The following CADPS variants were observed in gnomAD, a reference collection of about 807,000 sequenced individuals.
CADPS encodes calcium dependent secretion activator.
A neutral mutation model predicts 167.3 loss-of-function variants in CADPS; 57 were observed. The observed-to-expected ratio is 0.34, with a 90% CI of 0.28 to 0.42. The LOEUF is 0.42. Ranked by LOEUF, CADPS falls within the 20% of genes least tolerant of loss-of-function variation. CADPS has a pLI of 1.00. For missense variants in CADPS, 1,414 were observed against 1,738.1 expected (o/e 0.81, Z 3.32); for synonymous variants, 676 against 635.3 (o/e 1.06, Z -0.96).
chr3:62,563,669 T>C (rs1017240420), intron 9 of CADPS, among the ~76,000 whole-genome samples: 3 of 152,190 alleles, frequency 2.0e-5, no homozygotes, highest in African/African-American at 7.2e-5. Flanking sequence ...ACCCAATTTG[T>C]GGTCTTTTAT....
At chr3:62,869,978 G>C (rs1338019549) in intron 1 of CADPS, among the ~76,000 whole-genome samples, 1 of 152,142 alleles carries the variant, frequency 6.6e-6, no homozygotes, top group African/African-American at 2.4e-5. Context: ...CTTCAGGAAT[G>C]AAACATTTAA....
At chr3:62,574,540 G>A (rs2152479854) in intron 8 of CADPS, among the ~76,000 whole-genome samples, 1 of 152,306 alleles carries the variant, frequency 6.6e-6, no homozygotes, top group South Asian at 2.1e-4. Flanking sequence ...CAGCTCTGGG[G>A]TTACATAGAT....
chr3:62,548,948 A>G (rs1249106466), intron 11 of CADPS, among the ~76,000 whole-genome samples: 2 of 152,210 alleles, frequency 1.3e-5, no homozygotes, highest in Non-Finnish European at 2.9e-5. Flanking sequence ...AGGCTTCCCC[A>G]CTGGGATGCA....
chr3:62,872,572 G>A (rs2153224655), intron 1 of CADPS, among the ~76,000 whole-genome samples: 1 of 152,266 alleles, frequency 6.6e-6, no homozygotes, highest in African/African-American at 2.4e-5. Flanking sequence ...CTGAGGTTAA[G>A]CTCCCGTGTA....
chr3:62,775,964 A>G (rs1472528206), intron 1 of CADPS, among the ~76,000 whole-genome samples: 1 of 152,238 alleles, frequency 6.6e-6, no homozygotes, highest in Non-Finnish European at 1.5e-5. Flanking sequence ...GTTTGGCACC[A>G]CTGCCTTGGT....
chr3:62,777,923 G>C (rs982376753), intron 1 of CADPS, among the ~76,000 whole-genome samples: 1 of 152,136 alleles, frequency 6.6e-6, no homozygotes, highest in African/African-American at 2.4e-5. Flanking sequence ...CATGTCTTAC[G>C]GCAATATGAG....
At chr3:62,471,783 A>C (rs1445392684) in intron 24 of CADPS, among the ~76,000 whole-genome samples, 1 of 152,224 alleles carries the variant, frequency 6.6e-6, no homozygotes, top group Non-Finnish European at 1.5e-5. Flanking sequence ...ACTGCACTGC[A>C]TTTAATTTAA....
At position 62,753,511 on chromosome 3, in the gene CADPS, A is replaced by T; in HGVS notation, c.818T>A (p.Leu273His). ...ASELILSKEQ[L>H]YEMFQNILGI... ...AAGAATGTTCTGGAACATCTCATAG[A>T]GTTGCTCCTTGCTCAGAATCAGCTC... The change falls in exon 3 of 30, where the codon CTC becomes CAC. Residue 273 changes from leucine to histidine, a missense_variant. Around this residue, in one of 6 missense-constraint regions of CADPS, gnomAD observed 522 missense variants for 559.5 expected, o/e 0.93. Coordinates refer to ENST00000383710, the MANE Select transcript of CADPS (RefSeq NM_003716.4). This position sits in a 1 kb window ranked among gnomAD's most constrained non-coding sequence, Gnocchi z 4.6. 2 of 1,614,060 alleles carry T rather than the reference A, an allele frequency of 1.2e-6. No homozygotes were observed. Among genetic ancestry groups the T allele is most frequent in the East Asian group, 4.5e-5 (2 of 44,852 alleles).
chr3:62,867,068 C>G (rs912954889), intron 1 of CADPS, among the ~76,000 whole-genome samples: 1 of 151,990 alleles, frequency 6.6e-6, no homozygotes, highest in South Asian at 2.1e-4. Flanking sequence ...AGAATTTACT[C>G]TCTACACAAA....
chr3:62,405,597 C>T (rs545500582), intron 28 of CADPS, among the ~76,000 whole-genome samples: 6 of 152,086 alleles, frequency 3.9e-5, no homozygotes, highest in South Asian at 2.1e-4. Context: ...GCTCGGCTGC[C>T]GAAAGGATAG....
At chr3:62,590,145 C>A (rs1332190585) in intron 7 of CADPS, among the ~76,000 whole-genome samples, 2 of 150,344 alleles carry the variant, frequency 1.3e-5, no homozygotes, top group Admixed American at 1.3e-4. Flanking sequence ...GCCGAGATCA[C>A]GCCACTGTAC....
chr3:62,755,201 G>C (rs908705457), intron 2 of CADPS, among the ~76,000 whole-genome samples: 10 of 152,082 alleles, frequency 6.6e-5, no homozygotes, highest in African/African-American at 2.4e-4. Context: ...TTCCCTGCAG[G>C]GTTCTCCTGC....
intron 1 of CADPS, among the ~76,000 whole-genome samples, chr3:62,868,039 T>A (rs2082022390): frequency 1.3e-5 from 2 of 152,090 alleles, no homozygotes; most frequent in Admixed American, 6.6e-5. Flanking sequence ...AGGGCTAGAC[T>A]CAATGCATTG....
chr3:62,626,575 T>A (rs1326491833), intron 6 of CADPS: 1 of 702,218 alleles, frequency 1.4e-6, no homozygotes, highest in Non-Finnish European at 2.6e-6. Context: ...CTGATTACCC[T>A]AGGAAGAAGT....
At chr3:62,796,014 A>G (rs1269828023) in intron 1 of CADPS, 4 of 152,296 alleles carry the variant, frequency 2.6e-5, no homozygotes. Context: ...CAGGTCATGG[A>G]AAGTCTTGAA....
At chr3:62,655,665 C>T (rs567967465) in intron 4 of CADPS, among the ~76,000 whole-genome samples, 1 of 152,112 alleles carries the variant, frequency 6.6e-6, no homozygotes. Context: ...AGGCTGCCCC[C>T]CTTCAGAGTG....
intron 7 of CADPS, among the ~76,000 whole-genome samples, chr3:62,589,924 T>C (rs901914712): frequency 6.6e-6 from 1 of 152,070 alleles, no homozygotes; most frequent in African/African-American, 2.4e-5. Context: ...GTGCAGTAGC[T>C]CATGCCTCTA....
chr3:62,779,548 C>A (rs533472961), intron 1 of CADPS: 3 of 533,654 alleles, frequency 5.6e-6, no homozygotes, highest in Non-Finnish European at 1.2e-5. Flanking sequence ...TTTGTATTGT[C>A]TGCCCTCTGC....
Position 62,551,089 on chromosome 3 carries a change from GCC to G in CADPS, c.1754-976_1754-975del, listed in dbSNP as rs1326600254. Among the ~76,000 whole-genome samples the G allele has an allele frequency of 2.5e-3, 380 of 152,100 alleles. 2 individuals are homozygous for G. Among genetic ancestry groups the G allele is most frequent in the African/African-American group, 8.1e-3 (338 of 41,486 alleles). Reference sequence around the variant, plus strand: ...TTTAAGTACCATGAGTATGCTGATGGCCTTCACACTTCTCTCTCCAACCTGGA... The same window carrying G: ...TTTAAGTACCATGAGTATGCTGATGGTTCACACTTCTCTCTCCAACCTGGA... On this transcript the variant is annotated intron_variant, in intron 10 of 29. Coordinates refer to ENST00000383710, the MANE Select transcript of CADPS (RefSeq NM_003716.4).
Sources: gnomAD v4.1 joint callset for allele counts (sites outside exome capture counted in the v4.1 genomes callset) on GRCh38, gnomAD v4.1.1 for gene constraint, gnomAD v4.1.1 regional missense constraint, Gnocchi (gnomAD v3.1) non-coding constraint, MANE v1.5 for transcripts, NCBI Gene and HGNC (gene_info 2026-07-23, HGNC 2026-07-21) for gene names.